The following MINK1 variants were observed in gnomAD, a reference collection of about 807,000 sequenced individuals.
The protein encoded by MINK1 is misshapen-like kinase 1.
In MINK1, 46 loss-of-function variants were observed where a neutral mutation model predicts 178.4. That is an observed-to-expected ratio of 0.26 (90% CI 0.20 to 0.33). The LOEUF is 0.33. MINK1 is among the 10% of genes least tolerant of loss of function. The pLI, the probability that MINK1 is intolerant of heterozygous loss-of-function variation, is 1.00. For synonymous variants in MINK1, 797 were observed against 709.7 expected, an observed-to-expected ratio of 1.12 and a Z score of -1.96; for missense variants, 1,366 against 1,814.9, an observed-to-expected ratio of 0.75 and a Z score of 4.49.
chr17:4,844,853 G>A (rs1910779389), intron 1 of MINK1, among the ~76,000 whole-genome samples: 1 of 152,124 alleles, frequency 6.6e-6, no homozygotes, highest in African/African-American at 2.4e-5. Flanking sequence ...TTTTTAATGT[G>A]ATTAAGTATA....
Position 4,894,973 on chromosome 17 carries a change from T to C in MINK1, c.2918-102T>C. 1 of 1,251,240 alleles carries C rather than the reference T, an allele frequency of 8.0e-7. No individual in the cohort carries two copies. 77.5% of individuals were successfully genotyped at this position (1,251,240 alleles called of 1,614,324 possible). ...CTCCTCCTGTCTTTCTCCTCCTTTC[T>C]GCGTATTATGAGGTGCCAAGACCTG... On this transcript the variant is annotated intron_variant, in intron 24 of 31. Coordinates refer to ENST00000355280, the MANE Select transcript of MINK1 (RefSeq NM_153827.5). This position sits in a 1 kb window ranked among gnomAD's most constrained non-coding sequence, Gnocchi z 4.1.
In MINK1 at chr17:4,897,431, G is replaced by A; in HGVS notation, c.*144G>A. 1 of 667,462 alleles carries A rather than the reference G, an allele frequency of 1.5e-6. No individual in the cohort carries two copies. Among genetic ancestry groups the A allele is most frequent in the Non-Finnish European group, 2.6e-6 (1 of 389,354 alleles). The allele number at this position is 667,462 out of a possible 1,614,324, so 41.3% of individuals were successfully genotyped here. A position where few individuals can be genotyped will look rare whatever the true frequency, so the allele number is the denominator to read the frequency against. The stretch of plus-strand genomic sequence containing the variant: ...GGAGCCTGCTGGGAACGTGACCTCT[G>A]ACCCCTGATGCTTTCGTGATCACGT... On this transcript the variant is annotated 3_prime_UTR_variant, in exon 32 of 32. Transcript: ENST00000355280.
At position 4,834,782 on chromosome 17, in the gene MINK1, C is replaced by A. The variant is rs368797937; in HGVS notation, c.57+1142C>A. 9 of 519,972 alleles carry A rather than the reference C, an allele frequency of 1.7e-5. No individual in the cohort carries two copies. The African/African-American group carries it at 1.7e-4, about 10-fold the overall frequency. 32.2% of individuals were successfully genotyped at this position (519,972 alleles called of 1,614,324 possible). A position where few individuals can be genotyped will look rare whatever the true frequency, so the allele number is the denominator to read the frequency against. On this transcript the variant is annotated intron_variant, in intron 1 of 31. Transcript: ENST00000355280. ...GAGCAGGACTTCCCATCTCTAGGTT[C>A]GCTTCTCTGGAGGCCCCTGCTCAGA...
chr17:4,842,291 A>G (rs1337061816), intron 1 of MINK1, among the ~76,000 whole-genome samples: 1 of 151,324 alleles, frequency 6.6e-6, no homozygotes, highest in Non-Finnish European at 1.5e-5. Context: ...GATGTTAACC[A>G]TCTGGCAGAG....
At chr17:4,892,370 GC>G (rs1449705384) in intron 17 of MINK1, 31 bp from the exon 18 acceptor site, 2 of 960,944 alleles carry the variant, frequency 2.1e-6, no homozygotes, top group Non-Finnish European at 1.5e-6. Context: ...CCCCCCCGCC[GC>G]CCCCTCGGCA....
rs753566141 is a variant in MINK1, at chr17:4,886,240, G to A, written c.773+42G>A. ...GTGGGCTCTGGGAAGGAAGGTCCCTGGACAAGGCCATCCCCACCTTCATGC... is the reference window on the plus strand; with the variant it reads ...GTGGGCTCTGGGAAGGAAGGTCCCTAGACAAGGCCATCCCCACCTTCATGC... On this transcript the variant is annotated intron_variant, in intron 9 of 31. Transcript: ENST00000355280. The surrounding 1 kb of genome is among the most constrained non-coding windows in gnomAD (Gnocchi z 6.1). The A allele has an allele frequency of 1.3e-6, 2 of 1,599,404 alleles. No homozygotes were observed. The highest frequency in any genetic ancestry group is 3.3e-5 in the Admixed American group (2 of 59,996).
chr17:4,878,750 G>C (rs555980359), intron 2 of MINK1, among the ~76,000 whole-genome samples: 28 of 152,338 alleles, frequency 1.8e-4, no homozygotes, highest in African/African-American at 6.5e-4. Context: ...ACCACAAAGA[G>C]ACCCAGGACT....
rs563177878 is a variant in MINK1, at chr17:4,895,959, G to T, written c.3365-44G>T. The T allele has an allele frequency of 2.9e-5, 46 of 1,569,484 alleles. No homozygotes were observed. The highest frequency in any genetic ancestry group is 3.6e-5 in the Non-Finnish European group (42 of 1,157,520). The stretch of plus-strand genomic sequence containing the variant: ...CAGACCACGGGGAGGCGCCCGTGGC[G>T]CAAGAAGGGAAGTCTCAGCATCCCT... On this transcript the variant is annotated intron_variant, in intron 27 of 31. Transcript: ENST00000355280. This position sits in a 1 kb window ranked among gnomAD's most constrained non-coding sequence, Gnocchi z 4.3.
Position 4,895,628 on chromosome 17 carries a change from A to G in MINK1, c.3230-70A>G. The stretch of plus-strand genomic sequence containing the variant: ...ACCCCTTGTGGTATGCTGACAGAGG[A>G]GGCCAGGGCGGTGGCATTCGGGCCT... On this transcript the variant is annotated intron_variant, in intron 26 of 31. Coordinates refer to ENST00000355280, the MANE Select transcript of MINK1 (RefSeq NM_153827.5). This position sits in a 1 kb window ranked among gnomAD's most constrained non-coding sequence, Gnocchi z 4.3. 2 of 1,579,696 alleles carry G rather than the reference A, an allele frequency of 1.3e-6. No individual in the cohort carries two copies. The highest frequency in any genetic ancestry group is 1.7e-6 in the Non-Finnish European group (2 of 1,159,966).
At chr17:4,893,827 AGGG>A in intron 21 of MINK1, 158 bp from the exon 22 acceptor site, 2 of 858,818 alleles carry the variant, frequency 2.3e-6, no homozygotes, top group Non-Finnish European at 3.5e-6. Flanking sequence ...TGTGCCATGC[AGGG>A]AAGCACCTCA....
At chr17:4,848,647 A>G (rs1190491542) in intron 1 of MINK1, among the ~76,000 whole-genome samples, 1 of 152,064 alleles carries the variant, frequency 6.6e-6, no homozygotes, top group Non-Finnish European at 1.5e-5. Flanking sequence ...GGCGTGAGCC[A>G]CCGCGCCTGG....
intron 12 of MINK1, among the ~76,000 whole-genome samples, chr17:4,888,080 G>GT (rs1472728736): frequency 3.9e-5 from 6 of 152,062 alleles, no homozygotes; most frequent in Non-Finnish European, 8.8e-5. Flanking sequence ...GCCAGGTGTG[G>GT]TGGCGCATGC....
In MINK1 at chr17:4,894,319, G is replaced by A. The variant is rs1301620791; in HGVS notation, c.2808+8G>A. ...AAGGATGGGAGTGGTGACGTAAGTG[G>A]GCCGGAGGCAGGTCCGCCGGGAGAG... On this transcript the variant is annotated splice_region_variant and intron_variant, in intron 23 of 31. Coordinates refer to ENST00000355280, the MANE Select transcript of MINK1 (RefSeq NM_153827.5). This position sits in a 1 kb window ranked among gnomAD's most constrained non-coding sequence, Gnocchi z 4.1. The A allele has an allele frequency of 6.2e-7, 1 of 1,610,702 alleles. No homozygotes were observed.
chr17:4,890,057 CT>C (rs1163178583), intron 13 of MINK1: 1 of 515,824 alleles, frequency 1.9e-6, no homozygotes, highest in Non-Finnish European at 3.4e-6. Flanking sequence ...GCATGGCCCC[CT>C]GGGGCTCATG....
rs953362766 is a variant in MINK1 at position 4,887,508 on chromosome 17, G to A, written c.1020-72G>A. ...ATCCAGTTAAAGCACCCACTCAGGC[G>A]GGCCCACGGGGTTGAGAGTGGGAAC... On this transcript the variant is annotated intron_variant, in intron 11 of 31. Transcript: ENST00000355280. The surrounding 1 kb of genome is among the most constrained non-coding windows in gnomAD (Gnocchi z 7.6). 8.9e-6 allele frequency: 12 copies of A among 1,343,552 alleles called. No homozygotes were observed. Among genetic ancestry groups the A allele is most frequent in the Admixed American group, 2.9e-5 (1 of 34,060 alleles). The allele number at this position is 1,343,552 out of a possible 1,614,324, so 83.2% of individuals were successfully genotyped here. A position where few individuals can be genotyped will look rare whatever the true frequency, so the allele number is the denominator to read the frequency against.
rs1489548670 is a variant in MINK1 at position 4,833,927 on chromosome 17, A to T, written c.57+287A>T. 6.6e-6 allele frequency among the ~76,000 whole-genome samples: 1 copy of T among 152,136 alleles called. No individual in the cohort carries two copies. Among genetic ancestry groups the T allele is most frequent in the African/African-American group, 2.4e-5 (1 of 41,434 alleles). ...ACCTTTACTCTGGGGTTCGGGACCC[A>T]CTGGTTCGCCTAAACTTAGCCTCCC... On this transcript the variant is annotated intron_variant, in intron 1 of 31. Coordinates refer to ENST00000355280, the MANE Select transcript of MINK1 (RefSeq NM_153827.5). The surrounding 1 kb of genome is among the most constrained non-coding windows in gnomAD (Gnocchi z 4.8).
intron 1 of MINK1, among the ~76,000 whole-genome samples, chr17:4,876,303 G>A (rs1220100474): frequency 1.3e-5 from 2 of 152,184 alleles, no homozygotes; most frequent in African/African-American, 4.8e-5. Flanking sequence ...TGGTGAGCAA[G>A]GAGGGCTCAG....
intron 1 of MINK1, among the ~76,000 whole-genome samples, chr17:4,872,437 A>G (rs954443881): frequency 2.0e-5 from 3 of 152,100 alleles, no homozygotes; most frequent in African/African-American, 4.8e-5. Flanking sequence ...TCAGGATTCA[A>G]GACCAGCCTG....
Position 4,885,528 on chromosome 17 carries a change from G to C in MINK1, c.554G>C (p.Arg185Pro). Residue 185 changes from arginine to proline, a missense_variant, in exon 7 of 32, where the codon CGG (arginine) becomes CCG (proline). By Grantham distance (103) the Arg-to-Pro change is moderately radical. Around this residue, in one of 14 missense-constraint regions of MINK1, gnomAD observed 109 missense variants for 369.4 expected, o/e 0.30. Coordinates refer to ENST00000355280, the MANE Select transcript of MINK1 (RefSeq NM_153827.5). This position sits in a 1 kb window ranked among gnomAD's most constrained non-coding sequence, Gnocchi z 5.0. The stretch of plus-strand genomic sequence containing the variant: ...CAGCTGGACCGCACCGTGGGCAGAC[G>C]GAACACTTTCATTGGGACTCCCTAC... The part of the protein sequence containing the change: ...SAQLDRTVGR[R>P]NTFIGTPYWM... 2 of 1,613,958 alleles carry C rather than the reference G, an allele frequency of 1.2e-6. No homozygotes were observed. Among genetic ancestry groups the C allele is most frequent in the Non-Finnish European group, 1.7e-6 (2 of 1,179,882 alleles).
Sources: gnomAD v4.1 joint callset for allele counts (sites outside exome capture counted in the v4.1 genomes callset) on GRCh38, gnomAD v4.1.1 for gene constraint, gnomAD v4.1.1 regional missense constraint, Gnocchi (gnomAD v3.1) non-coding constraint, MANE v1.5 for transcripts, NCBI Gene and HGNC (gene_info 2026-07-23, HGNC 2026-07-21) for gene names.